ZNF131: variants seen among roughly 807,000 people sequenced by gnomAD.
ZNF131 encodes the protein zinc finger and BTB domain containing 35.
Under a neutral mutation model 60.0 loss-of-function variants are expected in ZNF131, and 7 were observed. The observed-to-expected ratio is 0.12, with a 90% CI of 0.07 to 0.22. The LOEUF (loss-of-function observed/expected upper bound fraction) is 0.22, where lower values mean the gene tolerates loss of function less well. ZNF131 is among the 10% of genes least tolerant of loss of function. ZNF131 has a pLI of 1.00. For synonymous variants in ZNF131, 257 were observed against 253.2 expected, an observed-to-expected ratio of 1.01 and a Z score of -0.14; for missense variants, 493 against 740.9, an observed-to-expected ratio of 0.67 and a Z score of 3.88.
chr5:43,160,200 CAA>C (rs1195152966), intron 4 of ZNF131, among the ~76,000 whole-genome samples: 2 of 139,722 alleles, frequency 1.4e-5, no homozygotes, highest in Non-Finnish European at 3.2e-5. Flanking sequence ...AAAAAAAAAA[CAA>C]AAAAAGAAGA....
chr5:43,144,595 C>T (rs906729337), intron 4 of ZNF131, among the ~76,000 whole-genome samples: 1 of 152,044 alleles, frequency 6.6e-6, no homozygotes, highest in East Asian at 1.9e-4. Flanking sequence ...AGTTTTTGTT[C>T]AGCTTCTTGA....
chr5:43,129,712 TGGCACAATCTC>T (rs1745049027), intron 3 of ZNF131, among the ~76,000 whole-genome samples: 1 of 152,122 alleles, frequency 6.6e-6, no homozygotes. Context: ...TGGAATGCAG[TGGCACAATCTC>T]GGCTCACTAC....
chr5:43,171,927 T>G (rs1429983020), intron 5 of ZNF131, among the ~76,000 whole-genome samples: 4 of 152,334 alleles, frequency 2.6e-5, no homozygotes, highest in Admixed American at 6.5e-5. Flanking sequence ...GCCAGCCGTT[T>G]TATTTTTAAA....
chr5:43,150,748 G>T (rs2111730570), intron 4 of ZNF131, among the ~76,000 whole-genome samples: 1 of 152,216 alleles, frequency 6.6e-6, no homozygotes, highest in Non-Finnish European at 1.5e-5. Flanking sequence ...TTGCACTCTG[G>T]CTTGGGCAAC....
intron 6 of ZNF131, among the ~76,000 whole-genome samples, chr5:43,173,784 CA>C (rs1751276656): frequency 6.6e-6 from 1 of 151,596 alleles, no homozygotes; most frequent in Non-Finnish European, 1.5e-5. Context: ...TATCAAATAT[CA>C]AACAATTATT....
chr5:43,158,668 TC>T (rs538942432), intron 4 of ZNF131, among the ~76,000 whole-genome samples: 235 of 152,332 alleles, frequency 1.5e-3, no homozygotes, highest in African/African-American at 5.6e-3. Context: ...GGCCAAGACT[TC>T]AACATACCTT....
At chr5:43,123,437 T>A in intron 3 of ZNF131, 127 bp downstream of exon 3, 1 of 684,546 alleles carries the variant, frequency 1.5e-6, no homozygotes, top group Non-Finnish European at 2.3e-6. Flanking sequence ...CAAGACACCA[T>A]AGGAAATAGG....
chr5:43,132,959 A>G (rs1023203611), intron 3 of ZNF131, among the ~76,000 whole-genome samples: 2 of 152,154 alleles, frequency 1.3e-5, no homozygotes, highest in African/African-American at 2.4e-5. Context: ...AGTTTTACCT[A>G]TTGTGTGCGG....
chr5:43,140,859 A>C (rs1321085873), intron 4 of ZNF131, among the ~76,000 whole-genome samples: 1 of 152,074 alleles, frequency 6.6e-6, no homozygotes, highest in Non-Finnish European at 1.5e-5. Flanking sequence ...CTGGGATTAC[A>C]GGTGCCTGCC....
rs151063287 is a variant in ZNF131 at position 43,121,978 on chromosome 5, T to C, written c.-15-61T>C. 3.5e-3 allele frequency: 5,447 copies of C among 1,558,112 alleles called. 13 individuals are homozygous for C. The highest frequency in any genetic ancestry group is 4.2e-3 in the Non-Finnish European group (4,873 of 1,149,992). On this transcript the variant is annotated intron_variant, in intron 1 of 6. Transcript: ENST00000682664. ...TTTTTTTTGTTGTTGTTTTATGCTT[T>C]AGGGGTTTTGTTCCTCGGCTCGAGC...
chr5:43,125,465 G>A (rs867595418), intron 3 of ZNF131, among the ~76,000 whole-genome samples: 1 of 151,398 alleles, frequency 6.6e-6, no homozygotes, highest in Non-Finnish European at 1.5e-5. Context: ...CCAAGTCTGA[G>A]CAGAATTTTT....
intron 5 of ZNF131, among the ~76,000 whole-genome samples, chr5:43,166,592 C>A (rs901072412): frequency 1.3e-5 from 2 of 151,828 alleles, no homozygotes; most frequent in Admixed American, 1.3e-4. Context: ...GATCTCTTGA[C>A]CTCGTGATCC....
intron 4 of ZNF131, among the ~76,000 whole-genome samples, chr5:43,145,152 G>A (rs1747421139): frequency 6.6e-6 from 1 of 151,866 alleles, no homozygotes; most frequent in Admixed American, 6.6e-5. Flanking sequence ...AGACTCAGTT[G>A]CCAGGTTTAT....
At chr5:43,156,950 A>G (rs1749039615) in intron 4 of ZNF131, among the ~76,000 whole-genome samples, 1 of 151,064 alleles carries the variant, frequency 6.6e-6, no homozygotes, top group Non-Finnish European at 1.5e-5. Flanking sequence ...CCTGGTTTTA[A>G]CATAAAGGTT....
At chr5:43,130,099 A>G (rs1745104949) in intron 3 of ZNF131, among the ~76,000 whole-genome samples, 1 of 151,472 alleles carries the variant, frequency 6.6e-6, no homozygotes, top group African/African-American at 2.4e-5. Context: ...AACCGTCTCT[A>G]CTGAAAATAC....
chr5:43,155,265 G>T (rs1444641817), intron 4 of ZNF131, among the ~76,000 whole-genome samples: 1 of 152,154 alleles, frequency 6.6e-6, no homozygotes, highest in African/African-American at 2.4e-5. Context: ...CACCTTGTTA[G>T]TCATGAAGTC....
At chr5:43,131,020 A>G (rs766256274) in intron 3 of ZNF131, among the ~76,000 whole-genome samples, 16 of 148,494 alleles carry the variant, frequency 1.1e-4, no homozygotes, top group Non-Finnish European at 2.4e-4. Flanking sequence ...CTCACTAACC[A>G]CACCTGGCCA....
chr5:43,131,142 G>A (rs1436786495), intron 3 of ZNF131, among the ~76,000 whole-genome samples: 1 of 151,980 alleles, frequency 6.6e-6, no homozygotes, highest in African/African-American at 2.4e-5. Context: ...TGGGATTACA[G>A]GTGTGAGCCA....
chr5:43,134,693 C>CTTTTTTTT lies in ZNF131; in HGVS notation c.227-4457_227-4450dup. 5.2e-3 allele frequency among the ~76,000 whole-genome samples: 454 copies of CTTTTTTTT among 87,872 alleles called. 2 individuals carry two copies. The highest frequency in any genetic ancestry group is 0.01 in the Middle Eastern group (1 of 98). 57.6% of individuals were successfully genotyped at this position (87,872 alleles called of 152,430 possible). ...AAAAGTCAGTTGCTTTTCTTTTTTTCTTTTTTTTTTTTTTTTTTTTTTGGG... is the reference window on the plus strand; with the variant it reads ...AAAAGTCAGTTGCTTTTCTTTTTTTCTTTTTTTTTTTTTTTTTTTTTTTTTTTTTTGGG... On this transcript the variant is annotated intron_variant, in intron 3 of 6. Coordinates refer to ENST00000682664, the MANE Select transcript of ZNF131 (RefSeq NM_001330707.2).
Sources: gnomAD v4.1 joint callset for allele counts (sites outside exome capture counted in the v4.1 genomes callset) on GRCh38, gnomAD v4.1.1 for gene constraint, MANE v1.5 for transcripts, NCBI Gene and HGNC (gene_info 2026-07-23, HGNC 2026-07-21) for gene names.